The following CNTN6 variants were observed in gnomAD, a reference collection of about 807,000 sequenced individuals.
The protein encoded by CNTN6 is contactin 6, also known as contactin-6.
Under a neutral mutation model 122.8 loss-of-function variants are expected in CNTN6, and 137 were observed. The observed-to-expected ratio is 1.12, with a 90% CI of 0.97 to 1.29. The LOEUF (loss-of-function observed/expected upper bound fraction) is 1.29, where lower values mean the gene tolerates loss of function less well. Ranked by LOEUF, CNTN6 falls within the 50% of genes most tolerant of loss-of-function variation. The pLI is 0.00. For missense variants in CNTN6, 1,634 were observed against 1,223.4 expected, an observed-to-expected ratio of 1.34 and a Z score of -5.01; for synonymous variants, 570 against 426.0, an observed-to-expected ratio of 1.34 and a Z score of -4.16.
At chr3:1,313,023 T>A (rs577295101) in intron 7 of CNTN6, among the ~76,000 whole-genome samples, 1 of 124,786 alleles carries the variant, frequency 8.0e-6, no homozygotes, top group East Asian at 2.0e-4. Flanking sequence ...ACTGTTAATA[T>A]GCCATTTCAG....
At chr3:1,136,781 A>G (rs2092485597) in intron 1 of CNTN6, among the ~76,000 whole-genome samples, 2 of 152,096 alleles carry the variant, frequency 1.3e-5, no homozygotes, top group Non-Finnish European at 2.9e-5. Flanking sequence ...AAAAACATGG[A>G]CTCAGGATTC....
intron 2 of CNTN6, among the ~76,000 whole-genome samples, chr3:1,199,131 G>T (rs974944832): frequency 3.3e-5 from 5 of 151,520 alleles, no homozygotes; most frequent in African/African-American, 4.9e-5. Flanking sequence ...CTCGGTTTCA[G>T]GCTGTAGACT....
At position 1,298,197 on chromosome 3, in the gene CNTN6, C is replaced by T. The variant is rs1575599749; in HGVS notation, c.761+206C>T. ...GGCCTGTAACTGAAAATGATCAGGG[C>T]TGCAATTCTTCCCTACAGGTGCTGA... On this transcript the variant is annotated intron_variant, in intron 7 of 22. Transcript: ENST00000446702. 7 of 501,388 alleles carry T rather than the reference C, an allele frequency of 1.4e-5. No individual in the cohort carries two copies. The East Asian group carries it at 2.3e-4, about 17-fold the overall frequency. The allele number at this position is 501,388 out of a possible 1,614,324, so 31.1% of individuals were successfully genotyped here.
At chr3:1,256,946 T>G (rs1027298130) in intron 4 of CNTN6, among the ~76,000 whole-genome samples, 1 of 152,172 alleles carries the variant, frequency 6.6e-6, no homozygotes, top group Non-Finnish European at 1.5e-5. Context: ...TAAATGTGAA[T>G]GCATCTTGAT....
intron 11 of CNTN6, among the ~76,000 whole-genome samples, chr3:1,332,529 A>AGGAAGGAAGGAAG (rs1333164125): frequency 2.1e-5 from 2 of 97,380 alleles, no homozygotes; most frequent in African/African-American, 8.4e-5. Context: ...GAAGGAAGGA[A>AGGAAGGAAGGAAG]GGAGGGAGGG....
At chr3:1,271,968 G>C (rs1176137322) in intron 4 of CNTN6, among the ~76,000 whole-genome samples, 1 of 152,172 alleles carries the variant, frequency 6.6e-6, no homozygotes, top group East Asian at 1.9e-4. Context: ...CATGTCATGG[G>C]AGGGACCCAG....
intron 20 of CNTN6, among the ~76,000 whole-genome samples, chr3:1,399,123 A>T (rs1186888881): frequency 6.6e-6 from 1 of 152,150 alleles, no homozygotes; most frequent in South Asian, 2.1e-4. Context: ...CAGAATCCAC[A>T]CTGCCAATGA....
intron 1 of CNTN6, among the ~76,000 whole-genome samples, chr3:1,099,312 G>A (rs1247679618): frequency 2.0e-5 from 3 of 151,410 alleles, no homozygotes; most frequent in South Asian, 4.2e-4. Context: ...TTAGCAGGGT[G>A]TGGTGGCGGG....
chr3:1,327,526 C>T lies in CNTN6; in HGVS notation c.1153C>T (p.Gln385Ter). 6.2e-7 allele frequency: 1 copy of T among 1,610,664 alleles called. No homozygotes were observed. The highest frequency in any genetic ancestry group is 8.5e-7 in the Non-Finnish European group (1 of 1,177,952). ...MLNVSDSGVYQCAAENKYQII... is the reference protein window; with the variant it reads ...MLNVSDSGVY ...GAATGTGTCAGATTCTGGTGTGTAC[C>T]AATGTGCTGCAGAAAACAAATATCA... Residue 385 changes from glutamine (Q) to a stop codon, truncating the protein, a stop_gained, in exon 10 of 23, where the codon CAA (glutamine) becomes TAA (stop). Transcript: ENST00000446702. LOFTEE classifies it high-confidence loss of function.
intron 4 of CNTN6, among the ~76,000 whole-genome samples, chr3:1,275,946 C>G (rs184640541): frequency 1.3e-5 from 2 of 152,184 alleles, no homozygotes; most frequent in Non-Finnish European, 2.9e-5. Flanking sequence ...GTAATATTGT[C>G]GCTTAGATAG....
chr3:1,289,882 G>A lies in CNTN6; in HGVS notation c.455-5719G>A, dbSNP rs570250688. On this transcript the variant is annotated intron_variant, in intron 5 of 22. Coordinates refer to ENST00000446702, the MANE Select transcript of CNTN6 (RefSeq NM_001289080.2). The stretch of plus-strand genomic sequence containing the variant: ...GTAGAGACGGGGTTTCACCGTGTTA[G>A]CCAGGATGGTCTCGATCTCCTGACC... Among the ~76,000 whole-genome samples the A allele has an allele frequency of 1.6e-4, 24 of 152,218 alleles. No individual in the cohort carries two copies. In the South Asian group the frequency reaches 4.1e-3, roughly 26 times the overall value.
At chr3:1,390,199 T>C (rs528833921) in intron 20 of CNTN6, among the ~76,000 whole-genome samples, 45 of 152,094 alleles carry the variant, frequency 3.0e-4, no homozygotes, top group African/African-American at 1.1e-3. Context: ...ACAGAGATTA[T>C]AACAAACTAT....
chr3:1,337,683 A>G (rs959070271), intron 11 of CNTN6, among the ~76,000 whole-genome samples: 14 of 152,082 alleles, frequency 9.2e-5, no homozygotes, highest in African/African-American at 3.4e-4. Context: ...GCTTATTACA[A>G]TCTCCCTTCT....
intron 7 of CNTN6, among the ~76,000 whole-genome samples, chr3:1,300,494 A>AGGAAGG (rs748225706): frequency 2.3e-5 from 3 of 132,214 alleles, no homozygotes; most frequent in Non-Finnish European, 1.6e-5. Flanking sequence ...GAAGGAAGGA[A>AGGAAGG]AAAGAAAAGA....
In CNTN6 at chr3:1,385,620, T is replaced by C; in HGVS notation, c.2527T>C (p.Trp843Arg). ...GGTTTTTAATTATCAGGTCTTATAC[T>C]GGACAGATGACTCCAAAGAATCCAT... is the stretch of plus-strand genomic sequence containing the variant. ...GRVLGYEVLY[W>R]TDDSKESMIG... Residue 843 changes from tryptophan to arginine, a missense_variant, in exon 20 of 23, where the codon TGG becomes CGG. Physicochemically the swap from Trp to Arg is moderately radical, Grantham distance 101. Transcript: ENST00000446702. 1.2e-6 allele frequency: 2 copies of C among 1,612,628 alleles called. No individual in the cohort carries two copies. Among genetic ancestry groups the C allele is most frequent in the Non-Finnish European group, 1.7e-6 (2 of 1,179,432 alleles).
At chr3:1,215,624 A>T (rs1227221103) in intron 2 of CNTN6, among the ~76,000 whole-genome samples, 2 of 151,864 alleles carry the variant, frequency 1.3e-5, no homozygotes, top group Non-Finnish European at 1.5e-5. Context: ...GGAATTCCCC[A>T]GGTTTTCTTG....
intron 4 of CNTN6, among the ~76,000 whole-genome samples, chr3:1,230,257 T>C (rs562436183): frequency 6.6e-6 from 1 of 152,308 alleles, no homozygotes; most frequent in Non-Finnish European, 1.5e-5. Flanking sequence ...AAATATCTAG[T>C]GGTATGAAAT....
At chr3:1,324,456 C>A in intron 8 of CNTN6, among the ~76,000 whole-genome samples, 1 of 149,810 alleles carries the variant, frequency 6.7e-6, no homozygotes, top group Middle Eastern at 3.4e-3. Context: ...AACTACCAAG[C>A]ACATCTTGTT....
At chr3:1,120,982 C>G (rs1205478005) in intron 1 of CNTN6, among the ~76,000 whole-genome samples, 1 of 141,026 alleles carries the variant, frequency 7.1e-6, no homozygotes, top group Admixed American at 7.1e-5. Flanking sequence ...TAGCATTATT[C>G]CTTTGAATAT....
Sources: allele counts gnomAD v4.1 joint callset (sites outside exome capture counted in the v4.1 genomes callset), GRCh38; gene constraint gnomAD v4.1.1; transcripts MANE v1.5; gene names NCBI Gene and HGNC (gene_info 2026-07-23, HGNC 2026-07-21).